Variants in RTF1 observed in about 807,000 individuals in gnomAD.
RTF1 encodes RTF1 homolog, Paf1/RNA polymerase II complex component, also known as RNA polymerase-associated protein RTF1 homolog.
In RTF1, 10 loss-of-function variants were observed where a neutral mutation model predicts 95.7. That is an observed-to-expected ratio of 0.10 (90% CI 0.06 to 0.18). The LOEUF (loss-of-function observed/expected upper bound fraction) is 0.18, where lower values mean the gene tolerates loss of function less well. RTF1 is among the 10% of genes least tolerant of loss of function. RTF1 has a pLI of 1.00. For missense variants in RTF1, 458 were observed against 875.6 expected, an observed-to-expected ratio of 0.52 and a Z score of 6.02; for synonymous variants, 305 against 311.8, an observed-to-expected ratio of 0.98 and a Z score of 0.23.
chr15:41,436,144 T>C (rs1470180955), intron 1 of RTF1, among the ~76,000 whole-genome samples: 5 of 151,746 alleles, frequency 3.3e-5, no homozygotes, highest in Non-Finnish European at 7.4e-5. Flanking sequence ...CCATTTCTAC[T>C]AAAAGTACAA....
chr15:41,417,226 G>C lies in RTF1; in HGVS notation c.111G>C (p.Arg37=). 1 of 1,260,086 alleles carries C rather than the reference G, an allele frequency of 7.9e-7. No individual in the cohort carries two copies. The highest frequency in any genetic ancestry group is 1.0e-6 in the Non-Finnish European group (1 of 996,522). The allele number at this position is 1,260,086 out of a possible 1,614,324, so 78.1% of individuals were successfully genotyped here. A position where few individuals can be genotyped will look rare whatever the true frequency, so the allele number is the denominator to read the frequency against. ...GSPGGGRRGS[R]GTTMVKKRKG... ...CGGGCGGCGGCCGGCGTGGGAGCCG[G>C]GGGACCACCATGGTAAAGAAGCGGA... The change falls in exon 1 of 18, where the codon CGG becomes CGC. Residue 37 remains arginine (R), a synonymous_variant. Transcript: ENST00000389629.
chr15:41,477,107 T>TGATATG, intron 12 of RTF1, 58 bp from the exon 13 acceptor site: 2 of 1,610,740 alleles, frequency 1.2e-6, no homozygotes, highest in Non-Finnish European at 8.5e-7. Context: ...AGGGGATACT[T>TGATATG]GATATGGAGT....
intron 2 of RTF1, chr15:41,448,992 C>G (rs1174366942): frequency 6.6e-6 from 1 of 151,212 alleles, no homozygotes; most frequent in Non-Finnish European, 1.5e-5. Context: ...TCAAGCCATT[C>G]TCCTACCTTA....
At chr15:41,420,355 A>G (rs1405286197) in intron 1 of RTF1, among the ~76,000 whole-genome samples, 1 of 152,128 alleles carries the variant, frequency 6.6e-6, no homozygotes, top group Non-Finnish European at 1.5e-5. Context: ...CTCTCAGAAT[A>G]ATCAAAGAGG....
chr15:41,466,374 A>G (rs1566846826), intron 6 of RTF1, 122 bp downstream of exon 6: 1 of 562,482 alleles, frequency 1.8e-6, no homozygotes, highest in Non-Finnish European at 3.0e-6. Flanking sequence ...TACCCAGAAT[A>G]GTATAAACAT....
intron 1 of RTF1, among the ~76,000 whole-genome samples, chr15:41,429,289 CT>C (rs913393621): frequency 3.9e-5 from 6 of 152,162 alleles, no homozygotes; most frequent in African/African-American, 1.4e-4. Flanking sequence ...GCGAATTACT[CT>C]TTTTTCCTCG....
At position 41,444,450 on chromosome 15, in the gene RTF1, C is replaced by T. The variant is rs145712245; in HGVS notation, c.309+6019C>T. 2.2e-3 allele frequency among the ~76,000 whole-genome samples: 332 copies of T among 151,892 alleles called. 4 individuals carry two copies. The highest frequency in any genetic ancestry group is 6.9e-3 in the South Asian group (33 of 4,806). ...CTGGGATTACAGGCGCCTGCCACCA[C>T]GCCCGGCTAACTTTTTGTACTTTTA... is the stretch of plus-strand genomic sequence containing the variant. On this transcript the variant is annotated intron_variant, in intron 2 of 17. Coordinates refer to ENST00000389629, the MANE Select transcript of RTF1 (RefSeq NM_015138.5).
intron 1 of RTF1, among the ~76,000 whole-genome samples, chr15:41,422,270 C>T (rs1478114019): frequency 1.3e-5 from 2 of 152,136 alleles, no homozygotes; most frequent in African/African-American, 4.8e-5. Flanking sequence ...TCAGGTGATC[C>T]AGCACCTGGC....
chr15:41,440,856 T>TG (rs199789252), intron 2 of RTF1, among the ~76,000 whole-genome samples: 2,346 of 152,176 alleles, frequency 0.015, 70 homozygotes, highest in African/African-American at 0.054. Flanking sequence ...AAAAAATCAG[T>TG]GGGGGGTCTA....
intron 5 of RTF1, among the ~76,000 whole-genome samples, chr15:41,465,525 C>T (rs1028454214): frequency 1.3e-5 from 2 of 152,082 alleles, no homozygotes; most frequent in African/African-American, 4.8e-5. Flanking sequence ...CCTTTAATCC[C>T]AGCTACTCGG....
intron 2 of RTF1, among the ~76,000 whole-genome samples, chr15:41,438,994 C>A (rs1449614597): frequency 1.4e-5 from 2 of 143,398 alleles, no homozygotes; most frequent in Non-Finnish European, 3.0e-5. Flanking sequence ...AGCCTTATTG[C>A]AGAAGTGGTA....
At chr15:41,420,001 A>G (rs1217603904) in intron 1 of RTF1, among the ~76,000 whole-genome samples, 2 of 151,940 alleles carry the variant, frequency 1.3e-5, no homozygotes, top group African/African-American at 2.4e-5. Context: ...TTGTATTTTT[A>G]GTGGAGACAG....
Position 41,417,151 on chromosome 15 carries a change from G to T in RTF1, c.36G>T (p.Ala12=), listed in dbSNP as rs1215661352. The change falls in exon 1 of 18, where the codon GCG becomes GCT. Residue 12 remains alanine, a synonymous_variant. Transcript: ENST00000389629. ...RGRLCVGRAA[A]AAAAVAVPLA... Reference sequence around the variant, plus strand: ...GCCTTTGTGTGGGTCGAGCAGCGGCGGCGGCGGCGGCAGTGGCGGTCCCAC... The same window carrying T: ...GCCTTTGTGTGGGTCGAGCAGCGGCTGCGGCGGCGGCAGTGGCGGTCCCAC... 4.8e-6 allele frequency: 6 copies of T among 1,259,558 alleles called. No individual in the cohort carries two copies. The highest frequency in any genetic ancestry group is 6.2e-5 in the East Asian group (2 of 32,016). The allele number at this position is 1,259,558 out of a possible 1,614,324, so 78.0% of individuals were successfully genotyped here.
intron 1 of RTF1, among the ~76,000 whole-genome samples, chr15:41,417,707 G>A (rs930751606): frequency 6.6e-6 from 1 of 152,232 alleles, no homozygotes; most frequent in African/African-American, 2.4e-5. Flanking sequence ...TGGAGGAGGT[G>A]CAAGGGTGCG....
intron 1 of RTF1, among the ~76,000 whole-genome samples, chr15:41,428,363 G>T (rs2050649456): frequency 7.0e-6 from 1 of 143,108 alleles, no homozygotes. Context: ...TGCCTCCTGG[G>T]TTCACACCAT....
chr15:41,466,094 T>A, intron 5 of RTF1, 47 bp from the exon 6 acceptor site: 1 of 1,267,516 alleles, frequency 7.9e-7, no homozygotes, highest in Non-Finnish European at 1.1e-6. Context: ...GAGAATCTTA[T>A]CAGCTGTTGG....
chr15:41,466,203 A>G lies in RTF1; in HGVS notation c.840A>G (p.Gln280=). 2 of 1,595,104 alleles carry G rather than the reference A, an allele frequency of 1.3e-6. No individual in the cohort carries two copies. The highest frequency in any genetic ancestry group is 2.7e-5 in the African/African-American group (2 of 74,730). Residue 280 remains glutamine, a synonymous_variant, in exon 6 of 18, where the codon CAA becomes CAG. Coordinates refer to ENST00000389629, the MANE Select transcript of RTF1 (RefSeq NM_015138.5). The part of the protein sequence containing the change: ...KRDEKLDKKS[Q]AMEELKAERE... ...ATGAGAAACTAGACAAGAAATCTCA[A>G]GCCATGGAGGAGCTAAAAGCAGAGC...
At chr15:41,469,766 C>T (rs2050900195) in intron 6 of RTF1, among the ~76,000 whole-genome samples, 1 of 152,136 alleles carries the variant, frequency 6.6e-6, no homozygotes, top group Non-Finnish European at 1.5e-5. Flanking sequence ...CTCAAGTGAT[C>T]CACCTGCCTC....
intron 2 of RTF1, among the ~76,000 whole-genome samples, chr15:41,447,986 A>C (rs1016008197): frequency 3.9e-5 from 6 of 152,124 alleles, no homozygotes; most frequent in Admixed American, 2.6e-4. Context: ...TTACTACTAC[A>C]TCCTGGTGAA....
Sources: gnomAD v4.1 joint callset for allele counts (sites outside exome capture counted in the v4.1 genomes callset) on GRCh38, gnomAD v4.1.1 for gene constraint, MANE v1.5 for transcripts, NCBI Gene and HGNC (gene_info 2026-07-23, HGNC 2026-07-21) for gene names.